DPP9: variants seen among roughly 807,000 people sequenced by gnomAD.
The protein encoded by DPP9 is dipeptidyl peptidase IV-related protein-2.
DPP9 carries 50 observed loss-of-function variants against 110.7 expected under a neutral mutation model. The observed-to-expected ratio is 0.45, with a 90% confidence interval of 0.36 to 0.57. DPP9 has a LOEUF of 0.57. DPP9 is among the 20% of genes least tolerant of loss of function. The pLI, the probability that DPP9 is intolerant of heterozygous loss-of-function variation, is 0.00. For missense variants in DPP9, 1,022 were observed against 1,217.9 expected, an observed-to-expected ratio of 0.84 and a Z score of 2.39; for synonymous variants, 561 against 514.4, an observed-to-expected ratio of 1.09 and a Z score of -1.23.
Position 4,714,065 on chromosome 19 carries a change from G to T in DPP9, c.313+16C>A, listed in dbSNP as rs770679303. 4.3e-5 allele frequency: 69 copies of T among 1,600,542 alleles called. No individual in the cohort carries two copies. In the South Asian group the frequency reaches 6.8e-4, roughly 16 times the overall value. ...GATGCTGTCCCCGCCCAAGCAGCCT[G>T]CAGGGCCCGGCTTACCCAGGTAGTA... is the stretch of plus-strand genomic sequence containing the variant. On this transcript the variant is annotated intron_variant, in intron 4 of 21. Transcript: ENST00000262960.
chr19:4,689,874 A>C lies in DPP9; in HGVS notation c.1597-152T>G, dbSNP rs2091153658. ...CTGGCTTTAGGGCTGGAGATGAACCATCCCTGAGAGATGCGCTTATCTGGC... is the reference window on the plus strand; with the variant it reads ...CTGGCTTTAGGGCTGGAGATGAACCCTCCCTGAGAGATGCGCTTATCTGGC... On this transcript the variant is annotated intron_variant, in intron 14 of 21. Coordinates refer to ENST00000262960, the MANE Select transcript of DPP9 (RefSeq NM_139159.5). This position sits in a 1 kb window ranked among gnomAD's most constrained non-coding sequence, Gnocchi z 7.0. 6.6e-6 allele frequency among the ~76,000 whole-genome samples: 1 copy of C among 152,068 alleles called. No individual in the cohort carries two copies. The highest frequency in any genetic ancestry group is 1.5e-5 in the Non-Finnish European group (1 of 67,986).
At chr19:4,712,132 C>A (rs889048712) in intron 4 of DPP9, among the ~76,000 whole-genome samples, 1 of 152,224 alleles carries the variant, frequency 6.6e-6, no homozygotes, top group Admixed American at 6.5e-5. Flanking sequence ...AAAAAAGAGG[C>A]AACGGCCCAT....
In DPP9 at chr19:4,676,464, G is replaced by A; in HGVS notation, c.*100C>T. 1.9e-6 allele frequency: 2 copies of A among 1,030,018 alleles called. No individual in the cohort carries two copies. Among genetic ancestry groups the A allele is most frequent in the Non-Finnish European group, 1.5e-6 (1 of 679,372 alleles). The allele number at this position is 1,030,018 out of a possible 1,614,324, so 63.8% of individuals were successfully genotyped here. On this transcript the variant is annotated 3_prime_UTR_variant, in exon 22 of 22. Coordinates refer to ENST00000262960, the MANE Select transcript of DPP9 (RefSeq NM_139159.5). This position sits in a 1 kb window ranked among gnomAD's most constrained non-coding sequence, Gnocchi z 4.0. ...TGGCCAGCGCTGGGCGGGACAAAGT[G>A]CCTCACTGGGGCCCGCGGGCCACTC...
chr19:4,700,836 G>A lies in DPP9; in HGVS notation c.1013-559C>T, dbSNP rs913685227. On this transcript the variant is annotated intron_variant, in intron 9 of 21. Transcript: ENST00000262960. The surrounding 1 kb of genome is among the most constrained non-coding windows in gnomAD (Gnocchi z 4.3). Reference sequence around the variant, plus strand: ...AAGAGGGCGCGGGCCACAGCAGAGCGGAGAATGCTTATTTTTTTGGCTAGA... The same window carrying A: ...AAGAGGGCGCGGGCCACAGCAGAGCAGAGAATGCTTATTTTTTTGGCTAGA... Among the ~76,000 whole-genome samples the A allele has an allele frequency of 4.6e-5, 7 of 152,212 alleles. No individual in the cohort carries two copies. Among genetic ancestry groups the A allele is most frequent in the African/African-American group, 1.7e-4 (7 of 41,452 alleles).
intron 2 of DPP9, chr19:4,722,098 G>A: frequency 5.1e-6 from 1 of 197,414 alleles, no homozygotes; most frequent in Admixed American, 5.7e-5. Flanking sequence ...CTAAATGACA[G>A]CTAGCATTGT....
rs547467675 is a variant in DPP9, at chr19:4,689,140, G to A, written c.1750-248C>T. 6.6e-5 allele frequency among the ~76,000 whole-genome samples: 10 copies of A among 152,300 alleles called. No individual in the cohort carries two copies. Among genetic ancestry groups the A allele is most frequent in the South Asian group, 2.1e-4 (1 of 4,826 alleles). ...AGCCAGGGGCCTATGGACAGTCACCGACCGCTGGATCTGCCGAGGGCTCTG... is the reference window on the plus strand; with the variant it reads ...AGCCAGGGGCCTATGGACAGTCACCAACCGCTGGATCTGCCGAGGGCTCTG... On this transcript the variant is annotated intron_variant, in intron 15 of 21. Transcript: ENST00000262960. The surrounding 1 kb of genome is among the most constrained non-coding windows in gnomAD (Gnocchi z 7.0).
In DPP9 at chr19:4,693,463, A is replaced by AT. The variant is rs772098687; in HGVS notation, c.1516+1197dup. On this transcript the variant is annotated intron_variant, in intron 13 of 21. Coordinates refer to ENST00000262960, the MANE Select transcript of DPP9 (RefSeq NM_139159.5). This position sits in a 1 kb window ranked among gnomAD's most constrained non-coding sequence, Gnocchi z 5.0. ...TGAACACATCCAAACCCGACTCTGG[A>AT]TTTTTTCTCTCCTAGAACAGTCCCT... Among the ~76,000 whole-genome samples the AT allele has an allele frequency of 1.1e-4, 16 of 151,968 alleles. No homozygotes were observed. The highest frequency in any genetic ancestry group is 1.8e-4 in the Non-Finnish European group (12 of 67,974).
chr19:4,715,398 T>C (rs1041344502), intron 3 of DPP9: 6 of 152,250 alleles, frequency 3.9e-5, no homozygotes, highest in Non-Finnish European at 7.3e-5. Context: ...CCATCCACGC[T>C]GAAGCTGGTC....
At chr19:4,708,010 T>A (rs2145818443) in intron 4 of DPP9, among the ~76,000 whole-genome samples, 1 of 152,280 alleles carries the variant, frequency 6.6e-6, no homozygotes, top group African/African-American at 2.4e-5. Context: ...TCTGTGCCAT[T>A]TTTATTTCTT....
rs1228240315 is a variant in DPP9 at position 4,687,064 on chromosome 19, G to A, written c.1886-1293C>T. Among the ~76,000 whole-genome samples, 1 of 152,146 alleles carries A rather than the reference G, an allele frequency of 6.6e-6. No homozygotes were observed. The highest frequency in any genetic ancestry group is 2.4e-5 in the African/African-American group (1 of 41,422). On this transcript the variant is annotated intron_variant, in intron 16 of 21. Transcript: ENST00000262960. This position sits in a 1 kb window ranked among gnomAD's most constrained non-coding sequence, Gnocchi z 4.7. ...TGAGGTTCTGGTCTCTGCCCCCACT[G>A]CTAGGCTGGGTGCCCTGCTGAGCCC...
At chr19:4,714,809 C>A (rs1201667812) in intron 3 of DPP9, among the ~76,000 whole-genome samples, 1 of 151,922 alleles carries the variant, frequency 6.6e-6, no homozygotes, top group Non-Finnish European at 1.5e-5. Flanking sequence ...CAGTTCTCAC[C>A]ACCACCTCAA....
intron 20 of DPP9, among the ~76,000 whole-genome samples, chr19:4,680,412 G>GAAAAAC (rs59514816): frequency 0.43 from 64,135 of 149,794 alleles, 17,339 homozygotes; most frequent in African/African-American, 0.77. Context: ...CTCTAAATTA[G>GAAAAAC]AAAAACAAAA....
chr19:4,702,565 C>A (rs1160016612), intron 8 of DPP9, 38 bp downstream of exon 8: 2 of 1,494,588 alleles, frequency 1.3e-6, no homozygotes, highest in Non-Finnish European at 1.8e-6. Flanking sequence ...GGAGGAAAAG[C>A]ACGCCCGGGA....
rs2089514169 is a variant in DPP9, at chr19:4,679,665, C to T, written c.2586+170G>A. ...AAGACAGGACTGATACATCAATGGC[C>T]CTGGGAGCTGGGAGGGCGGGGACAC... is the stretch of plus-strand genomic sequence containing the variant. On this transcript the variant is annotated intron_variant, in intron 21 of 21. Transcript: ENST00000262960. 1.5e-5 allele frequency: 9 copies of T among 607,164 alleles called. No individual in the cohort carries two copies. In the Middle Eastern group the frequency reaches 2.7e-3, roughly 180 times the overall value. The allele number at this position is 607,164 out of a possible 1,614,324, so 37.6% of individuals were successfully genotyped here. A position where few individuals can be genotyped will look rare whatever the true frequency, so the allele number is the denominator to read the frequency against.
chr19:4,721,988 C>T (rs967320657), intron 2 of DPP9, among the ~76,000 whole-genome samples: 2 of 152,140 alleles, frequency 1.3e-5, no homozygotes, highest in African/African-American at 2.4e-5. Flanking sequence ...ACTTCCCCAG[C>T]GAGAACATGG....
At position 4,703,681 on chromosome 19, in the gene DPP9, A is replaced by AAAAG. The variant is rs201640960; in HGVS notation, c.769+201_769+204dup. Among the ~76,000 whole-genome samples, 325 of 151,086 alleles carry AAAAG rather than the reference A, an allele frequency of 2.2e-3. 1 individual carries two copies. The highest frequency in any genetic ancestry group is 4.9e-3 in the Admixed American group (75 of 15,242). On this transcript the variant is annotated intron_variant, in intron 7 of 21. Coordinates refer to ENST00000262960, the MANE Select transcript of DPP9 (RefSeq NM_139159.5). ...GGGTGAGACTCTCTCAAAAAAAAAA[A>AAAAG]AAAGAAAGAAAGAAAGAAAGAAAAC...
intron 20 of DPP9, among the ~76,000 whole-genome samples, chr19:4,680,945 A>G (rs1340154334): frequency 2.6e-5 from 4 of 151,520 alleles, no homozygotes; most frequent in African/African-American, 9.8e-5. Flanking sequence ...CCACAGAGTG[A>G]GACTCTCTCA....
chr19:4,679,413 G>A (rs1196788016), intron 21 of DPP9: 1 of 216,778 alleles, frequency 4.6e-6, no homozygotes, highest in Non-Finnish European at 9.4e-6. Flanking sequence ...ACCCTTCACT[G>A]CTGCCTCCTC....
Position 4,698,067 on chromosome 19 carries a change from TGAC to T in DPP9, c.1075-419_1075-417del, listed in dbSNP as rs1349009854. On this transcript the variant is annotated intron_variant, in intron 10 of 21. Coordinates refer to ENST00000262960, the MANE Select transcript of DPP9 (RefSeq NM_139159.5). This position sits in a 1 kb window ranked among gnomAD's most constrained non-coding sequence, Gnocchi z 4.2. ...GGTCCTTTGTCATGGCCCAAACAAATGACTACACCCAACAGGGGCAGGTGGGCT... is the reference window on the plus strand; with the variant it reads ...GGTCCTTTGTCATGGCCCAAACAAATTACACCCAACAGGGGCAGGTGGGCT... Among the ~76,000 whole-genome samples, 1 of 149,744 alleles carries T rather than the reference TGAC, an allele frequency of 6.7e-6. No individual in the cohort carries two copies. The highest frequency in any genetic ancestry group is 2.0e-4 in the East Asian group (1 of 5,098).
Sources: allele counts gnomAD v4.1 joint callset (sites outside exome capture counted in the v4.1 genomes callset), GRCh38; gene constraint gnomAD v4.1.1; non-coding constraint Gnocchi (gnomAD v3.1); transcripts MANE v1.5; gene names NCBI Gene and HGNC (gene_info 2026-07-23, HGNC 2026-07-21).